Variants in TPD52L3 observed in about 807,000 individuals in gnomAD.
The protein encoded by TPD52L3 is tumor protein D55.
TPD52L3 carries 12 observed loss-of-function variants against 8.7 expected under a neutral mutation model. That is an observed-to-expected ratio of 1.38 (90% confidence interval 0.89 to 2.24). The LOEUF is 2.24. TPD52L3 is among the 30% of genes most tolerant of loss of function. TPD52L3 has a pLI of 0.00. For missense variants in TPD52L3, 207 were observed against 158.7 expected (o/e 1.30, Z -1.64); for synonymous variants, 79 against 66.8 (o/e 1.18, Z -0.89).
intron 1 of TPD52L3, chr9:6,330,130 G>C: frequency 6.2e-7 from 1 of 1,609,588 alleles, no homozygotes; most frequent in Non-Finnish European, 8.5e-7. Context: ...GCCTTTGAAT[G>C]GACCTAACTA....
intron 1 of TPD52L3, 35 bp from the exon 2 acceptor site, chr9:6,330,941 T>G (rs1467239029): frequency 6.2e-7 from 1 of 1,609,620 alleles, no homozygotes. Flanking sequence ...ACATATTTAT[T>G]TTTGCTGATC....
In TPD52L3 at chr9:6,330,962, C is replaced by G; in HGVS notation, c.368-14C>G. The G allele has an allele frequency of 6.2e-7, 1 of 1,611,198 alleles. No homozygotes were observed. Among genetic ancestry groups the G allele is most frequent in the Non-Finnish European group, 8.5e-7 (1 of 1,178,782 alleles). On this transcript the variant is annotated splice_polypyrimidine_tract_variant and intron_variant, in intron 1 of 1. Transcript: ENST00000314556. ...TTATTTTTGCTGATCATTGTTTTCC[C>G]ATTTCTGGCTTAGGATTGATCTTCA...
rs561333352 is a variant in TPD52L3 at position 6,328,762 on chromosome 9, G to A, written c.167G>A (p.Arg56His). ...LRHVLAAKER[R>H]CGELKRKLGL... ...CACGTACTAGCAGCCAAAGAGAGACGCTGTGGGGAACTCAAGAGGAAGTTA... is the reference window on the plus strand; with the variant it reads ...CACGTACTAGCAGCCAAAGAGAGACACTGTGGGGAACTCAAGAGGAAGTTA... The change falls in exon 1 of 2, where the codon CGC (arginine) becomes CAC (histidine). Residue 56 changes from arginine to histidine, a missense_variant. By Grantham distance (29) the Arg-to-His change is conservative. Coordinates refer to ENST00000314556, the MANE Select transcript of TPD52L3 (RefSeq NM_001001874.3). 13 of 1,614,166 alleles carry A rather than the reference G, an allele frequency of 8.1e-6. No homozygotes were observed. Among genetic ancestry groups the A allele is most frequent in the Middle Eastern group, 1.6e-4 (1 of 6,062 alleles).
chr9:6,331,393 C>G lies in TPD52L3; in HGVS notation c.*374C>G, dbSNP rs1293396812. The G allele has an allele frequency of 6.1e-6, 1 of 164,626 alleles. No homozygotes were observed. Among genetic ancestry groups the G allele is most frequent in the African/African-American group, 2.4e-5 (1 of 41,940 alleles). 10.2% of individuals were successfully genotyped at this position (164,626 alleles called of 1,614,324 possible). A position where few individuals can be genotyped will look rare whatever the true frequency, so the allele number is the denominator to read the frequency against. ...GCCAGACAGACAAGAATAGAACATTCCAGACAACATGCAGAGGAACTGAGT... is the reference window on the plus strand; with the variant it reads ...GCCAGACAGACAAGAATAGAACATTGCAGACAACATGCAGAGGAACTGAGT... On this transcript the variant is annotated 3_prime_UTR_variant, in exon 2 of 2. Transcript: ENST00000314556.
chr9:6,329,005 G>A (rs1048167706), intron 1 of TPD52L3, 43 bp downstream of exon 1: 39 of 1,613,772 alleles, frequency 2.4e-5, no homozygotes, highest in Non-Finnish European at 3.3e-5. Context: ...GGGGGCAAAA[G>A]AGCTTGGCCC....
Position 6,331,215 on chromosome 9 carries a change from T to TA in TPD52L3, c.*197dup, listed in dbSNP as rs1265306179. On this transcript the variant is annotated 3_prime_UTR_variant, in exon 2 of 2. Coordinates refer to ENST00000314556, the MANE Select transcript of TPD52L3 (RefSeq NM_001001874.3). ...ATCGTATGTGCCCTCTAGAAACACT[T>TA]AGACTTTCAAATCATTATAATTCAA... 15 of 517,332 alleles carry TA rather than the reference T, an allele frequency of 2.9e-5. No individual in the cohort carries two copies. Among genetic ancestry groups the TA allele is most frequent in the African/African-American group, 2.7e-4 (14 of 51,146 alleles). The allele number at this position is 517,332 out of a possible 1,614,324, so 32.0% of individuals were successfully genotyped here. A position where few individuals can be genotyped will look rare whatever the true frequency, so the allele number is the denominator to read the frequency against.
intron 1 of TPD52L3, chr9:6,330,360 G>C (rs1324262244): frequency 6.8e-7 from 1 of 1,463,086 alleles, no homozygotes; most frequent in African/African-American, 1.4e-5. Flanking sequence ...CACTCCTCTA[G>C]ACACACTGCC....
intron 1 of TPD52L3, chr9:6,329,989 T>C: frequency 7.5e-7 from 1 of 1,327,494 alleles, no homozygotes; most frequent in Non-Finnish European, 9.7e-7. Context: ...CTGGCAGCAA[T>C]TCCTAGTTAG....
Position 6,328,691 on chromosome 9 carries a change from C to T in TPD52L3, c.96C>T (p.Leu32=). ...EDLTEPEQRE[L]KTKLTKLEAE... ...TGACAGAGCCCGAGCAAAGAGAGCTCAAAACCAAACTCACTAAATTGGAGG... is the reference window on the plus strand; with the variant it reads ...TGACAGAGCCCGAGCAAAGAGAGCTTAAAACCAAACTCACTAAATTGGAGG... Residue 32 remains leucine, a synonymous_variant, in exon 1 of 2, where the codon CTC becomes CTT. Coordinates refer to ENST00000314556, the MANE Select transcript of TPD52L3 (RefSeq NM_001001874.3). The T allele has an allele frequency of 6.2e-7, 1 of 1,614,164 alleles. No individual in the cohort carries two copies. Among genetic ancestry groups the T allele is most frequent in the Non-Finnish European group, 8.5e-7 (1 of 1,180,046 alleles).
chr9:6,331,838 T>G lies in TPD52L3; in HGVS notation c.*819T>G, dbSNP rs548190272. 1 of 152,312 alleles carries G rather than the reference T, an allele frequency of 6.6e-6. No individual in the cohort carries two copies. Among genetic ancestry groups the G allele is most frequent in the African/African-American group, 2.4e-5 (1 of 41,560 alleles). The allele number at this position is 152,312 out of a possible 1,614,324, so 9.4% of individuals were successfully genotyped here. On this transcript the variant is annotated 3_prime_UTR_variant, in exon 2 of 2. Transcript: ENST00000314556. The stretch of plus-strand genomic sequence containing the variant: ...GTTGCACATTCATTTTGCTTTGGCT[T>G]TTTTGTATCAGTGGTCATGGGCACC...
At chr9:6,329,528 T>C (rs1818102564) in intron 1 of TPD52L3, 1 of 1,009,128 alleles carries the variant, frequency 9.9e-7, no homozygotes, top group African/African-American at 1.7e-5. Context: ...TAGAGTTCTG[T>C]TTAAGCTTGA....
intron 1 of TPD52L3, chr9:6,330,516 A>G (rs979853711): frequency 3.1e-5 from 38 of 1,232,944 alleles, no homozygotes; most frequent in Non-Finnish European, 3.9e-5. Context: ...TGCTCCCCCA[A>G]CATTCCTTTG....
Position 6,331,226 on chromosome 9 carries a change from A to C in TPD52L3, c.*207A>C. Reference sequence around the variant, plus strand: ...CCTCTAGAAACACTTAGACTTTCAAATCATTATAATTCAATGAGTCCTAAA... The same window carrying C: ...CCTCTAGAAACACTTAGACTTTCAACTCATTATAATTCAATGAGTCCTAAA... On this transcript the variant is annotated 3_prime_UTR_variant, in exon 2 of 2. Coordinates refer to ENST00000314556, the MANE Select transcript of TPD52L3 (RefSeq NM_001001874.3). 2 of 491,966 alleles carry C rather than the reference A, an allele frequency of 4.1e-6. No homozygotes were observed. The highest frequency in any genetic ancestry group is 7.3e-6 in the Non-Finnish European group (2 of 275,720). 30.5% of individuals were successfully genotyped at this position (491,966 alleles called of 1,614,324 possible). A position where few individuals can be genotyped will look rare whatever the true frequency, so the allele number is the denominator to read the frequency against.
chr9:6,330,506 T>A (rs766033878), intron 1 of TPD52L3: 2 of 1,252,098 alleles, frequency 1.6e-6, no homozygotes, highest in South Asian at 6.3e-5. Context: ...GACTCTTGAA[T>A]GCTCCCCCAA....
rs1388472680 is a variant in TPD52L3 at position 6,331,071 on chromosome 9, T to C, written c.*52T>C. ...GGAATCCAAGAGACTATCAACAACA[T>C]GAACTTGTTCACAAGTTCCTTCTGC... On this transcript the variant is annotated 3_prime_UTR_variant, in exon 2 of 2. Transcript: ENST00000314556. 5 of 1,572,660 alleles carry C rather than the reference T, an allele frequency of 3.2e-6. No homozygotes were observed. Among genetic ancestry groups the C allele is most frequent in the South Asian group, 1.2e-5 (1 of 86,136 alleles).
rs970520747 is a variant in TPD52L3, at chr9:6,328,872, A to G, written c.277A>G (p.Lys93Glu). 1.2e-6 allele frequency: 2 copies of G among 1,614,092 alleles called. No homozygotes were observed. The highest frequency in any genetic ancestry group is 1.7e-6 in the Non-Finnish European group (2 of 1,180,048). Residue 93 changes from lysine to glutamate, a missense_variant, in exon 1 of 2, where the codon AAG becomes GAG. Physicochemically the swap from Lys to Glu is moderately conservative, Grantham distance 56 (BLOSUM62 1). Coordinates refer to ENST00000314556, the MANE Select transcript of TPD52L3 (RefSeq NM_001001874.3). Reference sequence around the variant, plus strand: ...GGTCTCCAACACCTATGTGAAACAGAAGACATCAGCTGCTCTGTCCACCAT... The same window carrying G: ...GGTCTCCAACACCTATGTGAAACAGGAGACATCAGCTGCTCTGTCCACCAT... ...VQVSNTYVKQ[K>E]TSAALSTMGT...
chr9:6,329,329 T>C (rs1818096964), intron 1 of TPD52L3: 2 of 1,153,440 alleles, frequency 1.7e-6, no homozygotes, highest in Non-Finnish European at 2.2e-6. Context: ...ACACAGATAT[T>C]TGCTGCTTTT....
Position 6,330,956 on chromosome 9 carries a change from T to A in TPD52L3, c.368-20T>A. 2 of 1,611,542 alleles carry A rather than the reference T, an allele frequency of 1.2e-6. No homozygotes were observed. Among genetic ancestry groups the A allele is most frequent in the Non-Finnish European group, 8.5e-7 (1 of 1,179,074 alleles). ...ACATATTTATTTTTGCTGATCATTG[T>A]TTTCCCATTTCTGGCTTAGGATTGA... is the stretch of plus-strand genomic sequence containing the variant. On this transcript the variant is annotated intron_variant, in intron 1 of 1. Coordinates refer to ENST00000314556, the MANE Select transcript of TPD52L3 (RefSeq NM_001001874.3).
rs1818150428 is a variant in TPD52L3, at chr9:6,331,555, A to G, written c.*536A>G. 1 of 152,350 alleles carries G rather than the reference A, an allele frequency of 6.6e-6. No individual in the cohort carries two copies. Among genetic ancestry groups the G allele is most frequent in the African/African-American group, 2.4e-5 (1 of 41,462 alleles). 9.4% of individuals were successfully genotyped at this position (152,350 alleles called of 1,614,324 possible). A position where few individuals can be genotyped will look rare whatever the true frequency, so the allele number is the denominator to read the frequency against. On this transcript the variant is annotated 3_prime_UTR_variant, in exon 2 of 2. Coordinates refer to ENST00000314556, the MANE Select transcript of TPD52L3 (RefSeq NM_001001874.3). ...GAAAAAATAAGCAGGGGGCAAAATC[A>G]TAAGTAGTCTTACATACTACATTAG...
Sources: gnomAD v4.1 joint callset for allele counts on GRCh38, gnomAD v4.1.1 for gene constraint, MANE v1.5 for transcripts, NCBI Gene and HGNC (gene_info 2026-07-23, HGNC 2026-07-21) for gene names.